The following RIOX2 variants were observed in gnomAD, a reference collection of about 807,000 sequenced individuals.
RIOX2 encodes the protein 60S ribosomal protein L27a histidine hydroxylase.
RIOX2 carries 43 observed loss-of-function variants against 51.2 expected under a neutral mutation model. The ratio of observed to expected loss-of-function variants is 0.84; its 90% CI spans 0.66 to 1.08. The LOEUF (loss-of-function observed/expected upper bound fraction) is 1.08, where lower values mean the gene tolerates loss of function less well. Ranked by LOEUF, RIOX2 falls within the 50% of genes least tolerant of loss-of-function variation. The probability of loss-of-function intolerance (pLI) is 0.00; values close to 1 mark genes in which losing one functional copy is unlikely to be tolerated. For missense variants in RIOX2, 566 were observed against 561.7 expected (o/e 1.01, Z -0.08); for synonymous variants, 226 against 218.5 (o/e 1.03, Z -0.30).
Position 97,967,374 on chromosome 3 carries a change from C to A in RIOX2, c.220G>T (p.Ala74Ser). Residue 74 changes from alanine (A) to serine (S), a missense_variant, in exon 2 of 10, where the codon GCC (alanine) becomes TCC (serine). By Grantham distance (99) the Ala-to-Ser change is moderately conservative. Transcript: ENST00000394198. ...TTGAACAGGGACCCATAGTATGTGG[C>A]CAGTGCAGGGTCATCTCTCTGAATG... ...LLIQRDDPAL[A>S]TYYGSLFKLT... 6.2e-7 allele frequency: 1 copy of A among 1,614,156 alleles called. No homozygotes were observed. The highest frequency in any genetic ancestry group is 8.5e-7 in the Non-Finnish European group (1 of 1,180,020).
chr3:97,952,429 CAG>C (rs1469082505), intron 5 of RIOX2, among the ~76,000 whole-genome samples: 4 of 152,172 alleles, frequency 2.6e-5, no homozygotes, highest in Non-Finnish European at 2.9e-5. Context: ...GATTGGGAAA[CAG>C]AGAGTGAGTC....
intron 2 of RIOX2, among the ~76,000 whole-genome samples, chr3:97,963,119 T>C (rs905024551): frequency 6.6e-6 from 1 of 152,122 alleles, no homozygotes; most frequent in African/African-American, 2.4e-5. Flanking sequence ...TGGGTCAATA[T>C]GAAAAAAGAC....
rs145867435 is a variant in RIOX2, at chr3:97,943,302, T to G, written c.*1882A>C. The stretch of plus-strand genomic sequence containing the variant: ...GAGAAGAAACACAGAAATGGGACAT[T>G]GAAATATTGTGAGAGAATCAACATC... On this transcript the variant is annotated 3_prime_UTR_variant, in exon 10 of 10. Transcript: ENST00000394198. The G allele has an allele frequency of 2.4e-5, 37 of 1,556,508 alleles. 1 individual carries two copies. The East Asian group carries it at 4.1e-4, about 17-fold the overall frequency.
At chr3:97,959,449 T>C (rs553714457) in intron 3 of RIOX2, among the ~76,000 whole-genome samples, 12 of 152,080 alleles carry the variant, frequency 7.9e-5, no homozygotes, top group Non-Finnish European at 1.8e-4. Flanking sequence ...GCTTCCTGTG[T>C]AGTTGGGAAG....
chr3:97,945,549 G>C, intron 9 of RIOX2: 1 of 607,976 alleles, frequency 1.6e-6, no homozygotes, highest in East Asian at 2.8e-5. Context: ...TTAGTAATTT[G>C]AAATGTTTTA....
chr3:97,949,790 C>T (rs777663557), intron 7 of RIOX2, 54 bp downstream of exon 7: 55 of 1,541,386 alleles, frequency 3.6e-5, no homozygotes, highest in Non-Finnish European at 4.7e-5. Flanking sequence ...CCAGAAAAAC[C>T]GTAAACATCC....
At chr3:97,967,004 C>G (rs1705914082) in intron 2 of RIOX2, among the ~76,000 whole-genome samples, 158 bp downstream of exon 2, 1 of 152,170 alleles carries the variant, frequency 6.6e-6, no homozygotes, top group Non-Finnish European at 1.5e-5. Flanking sequence ...TAATCTTAAT[C>G]CTAGTTAGAA....
intron 4 of RIOX2, 137 bp from the exon 5 acceptor site, chr3:97,954,632 T>C: frequency 1.4e-6 from 1 of 699,144 alleles, no homozygotes; most frequent in Non-Finnish European, 2.5e-6. Flanking sequence ...ACAGTCTATA[T>C]GCTGGGCTCA....
At chr3:97,967,812 AT>A (rs1419386206) in intron 1 of RIOX2, among the ~76,000 whole-genome samples, 180 bp from the exon 2 acceptor site, 1 of 152,232 alleles carries the variant, frequency 6.6e-6, no homozygotes, top group Non-Finnish European at 1.5e-5. Flanking sequence ...CTTCTAAGAT[AT>A]GATTCAAGCT....
intron 2 of RIOX2, among the ~76,000 whole-genome samples, chr3:97,964,494 GC>G: frequency 6.6e-6 from 1 of 151,752 alleles, no homozygotes; most frequent in East Asian, 1.9e-4. Context: ...TTCAAGGCCA[GC>G]CTGGCCAACA....
chr3:97,954,498 AAAGG>A lies in RIOX2; in HGVS notation c.682-7_682-4del. Reference sequence around the variant, plus strand: ...GGAAAGTACAACAAATCACCCGGCTAAAGGAAGGAATAGGAAAGGGTAGAGAAGT... The same window carrying A: ...GGAAAGTACAACAAATCACCCGGCTAAAGGAATAGGAAAGGGTAGAGAAGT... On this transcript the variant is annotated splice_region_variant and splice_polypyrimidine_tract_variant and intron_variant, in intron 4 of 9. Transcript: ENST00000394198. 1.2e-6 allele frequency: 2 copies of A among 1,612,654 alleles called. No individual in the cohort carries two copies. Among genetic ancestry groups the A allele is most frequent in the Non-Finnish European group, 1.7e-6 (2 of 1,178,804 alleles).
chr3:97,967,608 G>A lies in RIOX2; in HGVS notation c.-15C>T, dbSNP rs1312106315. The A allele has an allele frequency of 6.5e-7, 1 of 1,548,178 alleles. No individual in the cohort carries two copies. ...TTCTTTGGCATCGTTCTGTCTTCAA[G>A]ACAAAGCAGTAAGGAAATGCAAACC... On this transcript the variant is annotated 5_prime_UTR_variant, in exon 2 of 10. Transcript: ENST00000394198.
intron 3 of RIOX2, among the ~76,000 whole-genome samples, chr3:97,960,110 G>C (rs1705619904): frequency 6.6e-6 from 1 of 152,092 alleles, no homozygotes; most frequent in African/African-American, 2.4e-5. Flanking sequence ...ATCATGTTTA[G>C]TGCAACAACT....
At chr3:97,949,307 T>G (rs915185202) in intron 7 of RIOX2, among the ~76,000 whole-genome samples, 1 of 152,128 alleles carries the variant, frequency 6.6e-6, no homozygotes. Flanking sequence ...TCTCTCACCA[T>G]GTGTTCTGCA....
At chr3:97,968,906 C>A (rs1463118665) in intron 1 of RIOX2, among the ~76,000 whole-genome samples, 1 of 152,162 alleles carries the variant, frequency 6.6e-6, no homozygotes, top group East Asian at 1.9e-4. Flanking sequence ...ATACTGTTTT[C>A]TGTTCTTTTG....
rs1705922446 is a variant in RIOX2 at position 97,967,197 on chromosome 3, C to T, written c.397G>A (p.Ala133Thr). ...QLRKDFDQKR[A>T]TIQFHQPQRF... ...TGAGGTTGGTGAAACTGAATCGTTGCCCTTTTCTGATCAAAATCTTTTCTC... is the reference window on the plus strand; with the variant it reads ...TGAGGTTGGTGAAACTGAATCGTTGTCCTTTTCTGATCAAAATCTTTTCTC... Residue 133 changes from alanine (A) to threonine (T), a missense_variant, in exon 2 of 10, where the codon GCA becomes ACA. Transcript: ENST00000394198. 4 of 1,614,158 alleles carry T rather than the reference C, an allele frequency of 2.5e-6. No homozygotes were observed. In the South Asian group the frequency reaches 4.4e-5, roughly 18 times the overall value.
intron 1 of RIOX2, among the ~76,000 whole-genome samples, chr3:97,970,312 T>C (rs188377613): frequency 1.3e-5 from 2 of 152,358 alleles, no homozygotes; most frequent in Admixed American, 6.5e-5. Context: ...ACATCATTTG[T>C]TTCTCTGTGT....
chr3:97,952,182 TCAAA>T, intron 5 of RIOX2: 3 of 1,289,660 alleles, frequency 2.3e-6, no homozygotes, highest in Non-Finnish European at 3.0e-6. Context: ...AGCATTAGGC[TCAAA>T]ACACAGGATC....
intron 3 of RIOX2, among the ~76,000 whole-genome samples, chr3:97,960,242 G>C (rs920772211): frequency 6.6e-6 from 1 of 152,136 alleles, no homozygotes; most frequent in African/African-American, 2.4e-5. Flanking sequence ...GATGTGTATT[G>C]TAGATTAAGG....
Sources: allele counts gnomAD v4.1 joint callset (sites outside exome capture counted in the v4.1 genomes callset), GRCh38; gene constraint gnomAD v4.1.1; transcripts MANE v1.5; gene names NCBI Gene and HGNC (gene_info 2026-07-23, HGNC 2026-07-21).